FHIT: variants seen among roughly 807,000 people sequenced by gnomAD.
FHIT encodes the protein fragile histidine triad diadenosine triphosphatase, also known as bis(5'-adenosyl)-triphosphatase.
In FHIT, 19 loss-of-function variants were observed where a neutral mutation model predicts 17.9. The observed-to-expected ratio is 1.06, with a 90% CI of 0.74 to 1.56. The LOEUF is 1.56. FHIT is among the 40% of genes most tolerant of loss of function. The pLI, the probability that FHIT is intolerant of heterozygous loss-of-function variation, is 0.00. For missense variants in FHIT, 248 were observed against 189.2 expected (o/e 1.31, Z -1.82); for synonymous variants, 81 against 69.7 (o/e 1.16, Z -0.81).
chr3:61,132,437 G>C (rs1037101805), intron 2 of FHIT, among the ~76,000 whole-genome samples: 8 of 152,260 alleles, frequency 5.3e-5, no homozygotes, highest in East Asian at 1.9e-4. Context: ...ACATAATCTT[G>C]GTGCCAGATA....
intron 4 of FHIT, among the ~76,000 whole-genome samples, chr3:60,573,973 A>G (rs533488760): frequency 5.0e-4 from 76 of 151,924 alleles, no homozygotes; most frequent in South Asian, 1.9e-3. Flanking sequence ...CCACACCTGG[A>G]TAATTTTTGT....
intron 4 of FHIT, among the ~76,000 whole-genome samples, chr3:60,762,281 A>C (rs1395941735): frequency 8.5e-5 from 13 of 152,168 alleles, no homozygotes; most frequent in Non-Finnish European, 1.9e-4. Flanking sequence ...AGGAGTCATC[A>C]AAAAGATATC....
intron 3 of FHIT, among the ~76,000 whole-genome samples, chr3:60,843,716 G>A (rs1282128596): frequency 6.6e-6 from 1 of 152,144 alleles, no homozygotes; most frequent in East Asian, 1.9e-4. Context: ...TGTTTGAAAT[G>A]AAATGAAGGA....
chr3:60,283,350 A>T (rs1365958742), intron 5 of FHIT, among the ~76,000 whole-genome samples: 3 of 152,136 alleles, frequency 2.0e-5, no homozygotes, highest in African/African-American at 7.2e-5. Flanking sequence ...ACAAAATCAT[A>T]TAATATATAT....
chr3:59,858,899 C>A (rs148981800), intron 8 of FHIT, among the ~76,000 whole-genome samples: 21 of 151,946 alleles, frequency 1.4e-4, no homozygotes, highest in Admixed American at 3.9e-4. Context: ...ATACACATAC[C>A]CAGATATGGA....
chr3:60,898,830 T>C (rs920566819), intron 3 of FHIT, among the ~76,000 whole-genome samples: 7 of 152,166 alleles, frequency 4.6e-5, no homozygotes, highest in African/African-American at 9.7e-5. Context: ...ACGGGAAGCA[T>C]AGACCTAAGA....
intron 4 of FHIT, among the ~76,000 whole-genome samples, chr3:60,783,701 T>G (rs1347008938): frequency 1.3e-5 from 2 of 152,110 alleles, no homozygotes; most frequent in Non-Finnish European, 1.5e-5. Context: ...GGACTAATGG[T>G]TTTAAAATAA....
intron 8 of FHIT, among the ~76,000 whole-genome samples, chr3:59,798,155 T>C (rs919546227): frequency 6.6e-5 from 10 of 152,284 alleles, no homozygotes; most frequent in East Asian, 5.8e-4. Context: ...GTCCCCTTTT[T>C]GGCTGGTAGT....
chr3:60,267,081 A>G (rs983009500), intron 5 of FHIT, among the ~76,000 whole-genome samples: 5 of 152,058 alleles, frequency 3.3e-5, no homozygotes, highest in African/African-American at 1.2e-4. Flanking sequence ...AGCGTGTGCA[A>G]TAGAAGTGAA....
At chr3:60,886,091 C>T (rs1434322376) in intron 3 of FHIT, among the ~76,000 whole-genome samples, 3 of 152,132 alleles carry the variant, frequency 2.0e-5, no homozygotes, top group Non-Finnish European at 4.4e-5. Context: ...CACATCTTTG[C>T]CTTAATACCA....
At chr3:59,794,322 G>C (rs1699691300) in intron 8 of FHIT, among the ~76,000 whole-genome samples, 1 of 152,156 alleles carries the variant, frequency 6.6e-6, no homozygotes, top group Non-Finnish European at 1.5e-5. Context: ...AAACGCACCA[G>C]GACACGAACA....
At chr3:60,604,287 G>C (rs376078684) in intron 4 of FHIT, among the ~76,000 whole-genome samples, 1 of 152,152 alleles carries the variant, frequency 6.6e-6, no homozygotes, top group Non-Finnish European at 1.5e-5. Flanking sequence ...GGAATCCAGG[G>C]TAGAGCAGGA....
At chr3:60,933,703 G>A (rs772127662) in intron 3 of FHIT, among the ~76,000 whole-genome samples, 19 of 152,148 alleles carry the variant, frequency 1.2e-4, no homozygotes, top group Non-Finnish European at 2.2e-4. Context: ...CTAAGAGCAA[G>A]GCTTTTTTCT....
intron 3 of FHIT, among the ~76,000 whole-genome samples, chr3:60,999,313 C>A (rs1489583589): frequency 6.6e-6 from 1 of 152,012 alleles, no homozygotes; most frequent in African/African-American, 2.4e-5. Flanking sequence ...ACAAAACCAG[C>A]TGTGTTTGGT....
intron 4 of FHIT, among the ~76,000 whole-genome samples, chr3:60,771,835 C>T (rs1700053478): frequency 6.6e-6 from 1 of 152,138 alleles, no homozygotes; most frequent in South Asian, 2.1e-4. Flanking sequence ...CAAAATTGTT[C>T]ATTTTCACCA....
chr3:60,812,609 G>A (rs1486195500), intron 4 of FHIT, among the ~76,000 whole-genome samples: 3 of 152,052 alleles, frequency 2.0e-5, no homozygotes, highest in Non-Finnish European at 4.4e-5. Flanking sequence ...TGACTCCACT[G>A]GTGACTTCAC....
Position 59,894,798 on chromosome 3 carries a change from T to A in FHIT, c.348+27548A>T, listed in dbSNP as rs1703998917. ...CAAACTTCCCAGACTGCTAATAACA[T>A]GCAATCCTACTTCTAACCAAAGTGA... is the stretch of plus-strand genomic sequence containing the variant. On this transcript the variant is annotated intron_variant, in intron 8 of 9. Coordinates refer to ENST00000492590, the MANE Select transcript of FHIT (RefSeq NM_002012.4). Among the ~76,000 whole-genome samples the A allele has an allele frequency of 2.0e-5, 3 of 152,226 alleles. No individual in the cohort carries two copies. The South Asian group carries it at 6.2e-4, about 31-fold the overall frequency.
intron 2 of FHIT, among the ~76,000 whole-genome samples, chr3:61,059,303 T>G (rs2034340091): frequency 6.6e-6 from 1 of 151,890 alleles, no homozygotes; most frequent in Non-Finnish European, 1.5e-5. Context: ...TCAAAAAAAG[T>G]GTATGCTTTG....
chr3:60,032,684 G>A lies in FHIT; in HGVS notation c.104-18532C>T, dbSNP rs571768609. Among the ~76,000 whole-genome samples the A allele has an allele frequency of 3.3e-5, 5 of 152,246 alleles. No individual in the cohort carries two copies. In the South Asian group the frequency reaches 1.0e-3, roughly 32 times the overall value. ...GACATTATGCCTCCCTATACACTGT[G>A]ATTTGAAGCACATAATACTACTACT... On this transcript the variant is annotated intron_variant, in intron 5 of 9. Transcript: ENST00000492590.
Sources: allele counts gnomAD v4.1 joint callset (sites outside exome capture counted in the v4.1 genomes callset), GRCh38; gene constraint gnomAD v4.1.1; transcripts MANE v1.5; gene names NCBI Gene and HGNC (gene_info 2026-07-23, HGNC 2026-07-21).